UGT1A8: variants seen among roughly 807,000 people sequenced by gnomAD.
UGT1A8 encodes UDP-glucuronosyltransferase 1A8.
A neutral mutation model predicts 45.3 loss-of-function variants in UGT1A8; 39 were observed. The observed-to-expected ratio is 0.86, with a 90% CI of 0.67 to 1.12. The LOEUF (loss-of-function observed/expected upper bound fraction) is 1.12, where lower values mean the gene tolerates loss of function less well. UGT1A8 is among the 50% of genes most tolerant of loss of function. The pLI, the probability that UGT1A8 is intolerant of heterozygous loss-of-function variation, is 0.00. For missense variants in UGT1A8, 719 were observed against 664.9 expected (o/e 1.08, Z -0.90); for synonymous variants, 275 against 249.2 (o/e 1.10, Z -0.97).
chr2:233,752,600 T>A (rs1023436245), intron 1 of UGT1A8: 10 of 152,076 alleles, frequency 6.6e-5, no homozygotes, highest in Admixed American at 2.6e-4. Context: ...AGATTTTTTT[T>A]AAAAAAACAT....
intron 1 of UGT1A8, among the ~76,000 whole-genome samples, chr2:233,678,209 C>A (rs1243440589): frequency 3.3e-5 from 5 of 152,196 alleles, no homozygotes; most frequent in African/African-American, 2.4e-5. Context: ...CTATTGGGTA[C>A]TATGCTCAGT....
chr2:233,722,992 G>T (rs183532563), intron 1 of UGT1A8, among the ~76,000 whole-genome samples: 4,843 of 146,624 alleles, frequency 0.033, 98 homozygotes, highest in African/African-American at 0.049. Flanking sequence ...GTCTCAGCGT[G>T]GCAGAGGCAG....
chr2:233,758,379 G>T (rs116011249), intron 1 of UGT1A8, among the ~76,000 whole-genome samples: 127 of 152,312 alleles, frequency 8.3e-4, no homozygotes, highest in African/African-American at 3.0e-3. Context: ...TTACAGTGGT[G>T]ACTTATGTGT....
rs528527073 is a variant in UGT1A8 at position 233,743,656 on chromosome 2, G to A, written c.856-23378G>A. On this transcript the variant is annotated intron_variant, in intron 1 of 4. Transcript: ENST00000373450. ...GGTCGCGGAAGCTGAAGACGTACTC[G>A]AAGGGGTCCTCGAAGGGCCTGCCGC... 2.2e-5 allele frequency: 30 copies of A among 1,367,266 alleles called. 1 individual carries two copies. Among genetic ancestry groups the A allele is most frequent in the Middle Eastern group, 4.2e-4 (2 of 4,768 alleles). The allele number at this position is 1,367,266 out of a possible 1,614,324, so 84.7% of individuals were successfully genotyped here.
intron 1 of UGT1A8, chr2:233,747,354 G>A (rs753872482): frequency 3.1e-5 from 49 of 1,602,390 alleles, no homozygotes; most frequent in African/African-American, 2.7e-4. Flanking sequence ...GCGGGAGGCC[G>A]TGCGGGAGCT....
Position 233,769,822 on chromosome 2 carries a change from T to A in UGT1A8, c.1295+1383T>A. The A allele has an allele frequency of 2.6e-6, 2 of 764,522 alleles. No homozygotes were observed. The highest frequency in any genetic ancestry group is 1.9e-6 in the Non-Finnish European group (1 of 538,240). The allele number at this position is 764,522 out of a possible 1,614,324, so 47.4% of individuals were successfully genotyped here. On this transcript the variant is annotated intron_variant, in intron 4 of 4. Coordinates refer to ENST00000373450, the MANE Select transcript of UGT1A8 (RefSeq NM_019076.5). The surrounding 1 kb of genome is among the most constrained non-coding windows in gnomAD (Gnocchi z 4.4). ...ATGAGCCGTGATCATGCCACTGCAC[T>A]CCAGCAACCTGGGCAACAGAGTGAG... is the stretch of plus-strand genomic sequence containing the variant.
intron 1 of UGT1A8, among the ~76,000 whole-genome samples, chr2:233,730,871 C>T (rs1197291212): frequency 6.6e-6 from 1 of 152,088 alleles, no homozygotes; most frequent in Non-Finnish European, 1.5e-5. Context: ...TACTGCACTC[C>T]AGGTTTCTAT....
intron 1 of UGT1A8, chr2:233,648,936 G>A: frequency 1.4e-6 from 2 of 1,416,172 alleles, no homozygotes; most frequent in Non-Finnish European, 2.0e-6. Flanking sequence ...TGCTGCGAAT[G>A]GACTTTGTTT....
chr2:233,717,883 G>A lies in UGT1A8; in HGVS notation c.856-49151G>A, dbSNP rs778761780. On this transcript the variant is annotated intron_variant, in intron 1 of 4. Transcript: ENST00000373450. ...CTGGATTGACTTGGAGAAAAGCCTG[G>A]CCATAATCTTCAGGATGAAATAAAG... 1.6e-4 allele frequency: 73 copies of A among 454,720 alleles called. 1 individual carries two copies. The highest frequency in any genetic ancestry group is 9.9e-4 in the South Asian group (64 of 64,482). 28.2% of individuals were successfully genotyped at this position (454,720 alleles called of 1,614,324 possible).
In UGT1A8 at chr2:233,692,757, G is replaced by C. The variant is rs1425174448; in HGVS notation, c.855+74195G>C. 9.3e-6 allele frequency: 11 copies of C among 1,177,646 alleles called. No homozygotes were observed. In the South Asian group the frequency reaches 1.9e-4, roughly 20 times the overall value. The allele number at this position is 1,177,646 out of a possible 1,614,324, so 72.9% of individuals were successfully genotyped here. A position where few individuals can be genotyped will look rare whatever the true frequency, so the allele number is the denominator to read the frequency against. Reference sequence around the variant, plus strand: ...AGAGAGGGAGAAGCAGACTTGTGGAGCTGAAGAGAAACACCCAGAAGCTCA... The same window carrying C: ...AGAGAGGGAGAAGCAGACTTGTGGACCTGAAGAGAAACACCCAGAAGCTCA... On this transcript the variant is annotated intron_variant, in intron 1 of 4. Coordinates refer to ENST00000373450, the MANE Select transcript of UGT1A8 (RefSeq NM_019076.5).
At chr2:233,724,757 G>A (rs2077306288) in intron 1 of UGT1A8, among the ~76,000 whole-genome samples, 1 of 143,864 alleles carries the variant, frequency 7.0e-6, no homozygotes, top group Non-Finnish European at 1.5e-5. Context: ...CCAGACGATG[G>A]GCGGCCAGGC....
At chr2:233,658,955 G>A (rs2741043) in intron 1 of UGT1A8, among the ~76,000 whole-genome samples, 115,784 of 152,050 alleles carry the variant, frequency 0.76, 44,210 homozygotes, top group Non-Finnish European at 0.8. Flanking sequence ...GAATTTTAGA[G>A]TCAGTTTGCC....
intron 1 of UGT1A8, among the ~76,000 whole-genome samples, chr2:233,736,870 C>T (rs1044494188): frequency 6.6e-6 from 1 of 152,190 alleles, no homozygotes; most frequent in African/African-American, 2.4e-5. Context: ...GCAAATATTG[C>T]AGAACAGCAA....
intron 1 of UGT1A8, among the ~76,000 whole-genome samples, chr2:233,658,814 C>T (rs777634793): frequency 5.3e-5 from 8 of 152,202 alleles, no homozygotes; most frequent in African/African-American, 1.2e-4. Context: ...GGACTTTCTA[C>T]TCTGTTCCAT....
At chr2:233,631,404 G>GC (rs1322090738) in intron 1 of UGT1A8, among the ~76,000 whole-genome samples, 3 of 152,142 alleles carry the variant, frequency 2.0e-5, no homozygotes, top group African/African-American at 7.2e-5. Context: ...GATCCTTGAT[G>GC]AATCGCCACA....
chr2:233,646,862 G>A (rs1456503327), intron 1 of UGT1A8, among the ~76,000 whole-genome samples: 11 of 152,144 alleles, frequency 7.2e-5, no homozygotes, highest in Non-Finnish European at 1.5e-4. Context: ...CACGTTTTCA[G>A]GTATCTTTTC....
At chr2:233,771,313 C>G (rs1428095504) in intron 4 of UGT1A8, 1 of 152,138 alleles carries the variant, frequency 6.6e-6, no homozygotes, top group Non-Finnish European at 1.5e-5. Context: ...CCTTTTCCCT[C>G]TCCTCTTCAA....
chr2:233,768,900 A>G (rs972191736), intron 4 of UGT1A8, among the ~76,000 whole-genome samples: 23 of 152,184 alleles, frequency 1.5e-4, no homozygotes, highest in African/African-American at 5.1e-4. Flanking sequence ...TATAAATAAG[A>G]TAATTTAGAG....
intron 1 of UGT1A8, among the ~76,000 whole-genome samples, chr2:233,642,571 G>A (rs918400267): frequency 6.6e-6 from 1 of 152,200 alleles, no homozygotes; most frequent in Non-Finnish European, 1.5e-5. Flanking sequence ...TGGCGTTGAT[G>A]CTAGCAGACA....
Sources: allele counts gnomAD v4.1 joint callset (sites outside exome capture counted in the v4.1 genomes callset), GRCh38; gene constraint gnomAD v4.1.1; non-coding constraint Gnocchi (gnomAD v3.1); transcripts MANE v1.5; gene names NCBI Gene and HGNC (gene_info 2026-07-23, HGNC 2026-07-21).